The following CPSF6 variants were observed in gnomAD, a reference collection of about 807,000 sequenced individuals.
CPSF6 encodes the protein cleavage and polyadenylation specificity factor subunit 6.
CPSF6 carries 10 observed loss-of-function variants against 56.7 expected under a neutral mutation model. That is an observed-to-expected ratio of 0.18 (90% CI 0.11 to 0.30). The LOEUF (loss-of-function observed/expected upper bound fraction) is 0.30. CPSF6 is among the 10% of genes least tolerant of loss of function. CPSF6 has a pLI of 1.00. For missense variants in CPSF6, 419 were observed against 722.9 expected, an observed-to-expected ratio of 0.58 and a Z score of 4.82; for synonymous variants, 248 against 244.8, an observed-to-expected ratio of 1.01 and a Z score of -0.12.
chr12:69,257,254 C>T (rs1872550311), intron 4 of CPSF6, among the ~76,000 whole-genome samples: 1 of 152,152 alleles, frequency 6.6e-6, no homozygotes, highest in South Asian at 2.1e-4. Flanking sequence ...AGACCTTTCA[C>T]CACTTGGTAA....
chr12:69,259,913 ACATTGT>A, intron 7 of CPSF6, 125 bp from the exon 8 acceptor site: 1 of 885,112 alleles, frequency 1.1e-6, no homozygotes, highest in Non-Finnish European at 1.7e-6. Context: ...CTGAAAGAAG[ACATTGT>A]CTTGCATAGT....
chr12:69,240,261 G>T (rs908881498), intron 1 of CPSF6, among the ~76,000 whole-genome samples: 1 of 152,166 alleles, frequency 6.6e-6, no homozygotes, highest in Non-Finnish European at 1.5e-5. Context: ...TGTATCCCGC[G>T]CGCCCAGTCC....
chr12:69,258,692 C>T lies in CPSF6; in HGVS notation c.797C>T (p.Pro266Leu), dbSNP rs549054698. 1 of 1,614,056 alleles carries T rather than the reference C, an allele frequency of 6.2e-7. No individual in the cohort carries two copies. Among genetic ancestry groups the T allele is most frequent in the Non-Finnish European group, 8.5e-7 (1 of 1,179,994 alleles). ...GTTCTGCCTCCTCCTCTAGCTGGGCCTCCTAATCGAGGAGATCGCCCTCCA... is the reference window on the plus strand; with the variant it reads ...GTTCTGCCTCCTCCTCTAGCTGGGCTTCCTAATCGAGGAGATCGCCCTCCA... ...GQVLPPPLAG[P>L]PNRGDRPPPP... Residue 266 changes from proline (P) to leucine (L), a missense_variant, in exon 6 of 10, where the codon CCT becomes CTT. Pro to Leu is a moderately conservative substitution (Grantham distance 98, BLOSUM62 -3). Around this residue, in one of 4 missense-constraint regions of CPSF6, gnomAD observed 211 missense variants for 296.0 expected, o/e 0.71. Coordinates refer to ENST00000435070, the MANE Select transcript of CPSF6 (RefSeq NM_007007.3). This position sits in a 1 kb window ranked among gnomAD's most constrained non-coding sequence, Gnocchi z 4.2.
intron 2 of CPSF6, among the ~76,000 whole-genome samples, 182 bp from the exon 3 acceptor site, chr12:69,252,869 G>A (rs933361851): frequency 6.6e-6 from 1 of 152,154 alleles, no homozygotes; most frequent in African/African-American, 2.4e-5. Context: ...AATGAAGTTA[G>A]GTTCCCAGAT....
chr12:69,259,438 A>G lies in CPSF6; in HGVS notation c.1210A>G (p.Thr404Ala), dbSNP rs201159720. ...DYGPPGREMD[T>A]ARTPLSEAEF... ...GTTTTTGTTTTACAGGGAAATGGAT[A>G]CTGCAAGAACGCCATTGAGTGAAGC... is the stretch of plus-strand genomic sequence containing the variant. Residue 404 changes from threonine to alanine, a missense_variant, in exon 7 of 10, where the codon ACT (threonine) becomes GCT (alanine). Thr to Ala is a moderately conservative substitution (Grantham distance 58, BLOSUM62 0). Around this residue, in one of 4 missense-constraint regions of CPSF6, gnomAD observed 211 missense variants for 296.0 expected, o/e 0.71. Transcript: ENST00000435070. The G allele has an allele frequency of 6.2e-6, 10 of 1,612,010 alleles. No individual in the cohort carries two copies. The highest frequency in any genetic ancestry group is 8.5e-6 in the Non-Finnish European group (10 of 1,179,318).
intron 1 of CPSF6, among the ~76,000 whole-genome samples, chr12:69,240,176 G>C (rs2120384302): frequency 6.6e-6 from 1 of 152,122 alleles, no homozygotes; most frequent in Non-Finnish European, 1.5e-5. Context: ...CTCGGGCTCC[G>C]ATTCCTCCCA....
chr12:69,241,812 G>A (rs1243906851), intron 1 of CPSF6, among the ~76,000 whole-genome samples: 4 of 151,942 alleles, frequency 2.6e-5, no homozygotes, highest in Non-Finnish European at 5.9e-5. Flanking sequence ...GATTAATGGC[G>A]AGGATAAATA....
chr12:69,269,750 G>T lies in CPSF6; in HGVS notation c.*242G>T. On this transcript the variant is annotated 3_prime_UTR_variant, in exon 10 of 10. Coordinates refer to ENST00000435070, the MANE Select transcript of CPSF6 (RefSeq NM_007007.3). ...AACCTGTGTGATTTAAAAAGTTATA[G>T]CTTTTGCAACTTTATTACTGGTTAT... The T allele has an allele frequency of 5.0e-6, 1 of 199,418 alleles. No individual in the cohort carries two copies. The highest frequency in any genetic ancestry group is 1.1e-5 in the Non-Finnish European group (1 of 94,578). 12.4% of individuals were successfully genotyped at this position (199,418 alleles called of 1,614,324 possible).
rs1259939089 is a variant in CPSF6 at position 69,272,216 on chromosome 12, GT to G, written c.*2711del. ...TAAGTTGCAGTGGCTTTTGATCATA[GT>G]TTAGCCCATTTAATGGTCCTTTTAC... is the stretch of plus-strand genomic sequence containing the variant. On this transcript the variant is annotated 3_prime_UTR_variant, in exon 10 of 10. Transcript: ENST00000435070. 8 of 150,646 alleles carry G rather than the reference GT, an allele frequency of 5.3e-5. No homozygotes were observed. Among genetic ancestry groups the G allele is most frequent in the African/African-American group, 1.9e-4 (8 of 41,110 alleles). 9.3% of individuals were successfully genotyped at this position (150,646 alleles called of 1,614,324 possible).
intron 1 of CPSF6, among the ~76,000 whole-genome samples, chr12:69,243,115 C>G (rs933768329): frequency 9.9e-5 from 15 of 152,074 alleles, no homozygotes; most frequent in African/African-American, 3.6e-4. Context: ...TTGAATTGTT[C>G]AAAATACATT....
chr12:69,247,754 AT>A (rs532545087), intron 1 of CPSF6, among the ~76,000 whole-genome samples: 2 of 151,336 alleles, frequency 1.3e-5, no homozygotes, highest in African/African-American at 2.4e-5. Flanking sequence ...TATGTTCTGT[AT>A]TTTTTTTTAC....
In CPSF6 at chr12:69,257,830, T is replaced by C; in HGVS notation, c.619T>C (p.Phe207Leu). Reference sequence around the variant, plus strand: ...ACAAGGTGGTAGAGGACGGGGCCGTTTTCCAGGGGCTGTTCCTGGTGGGGA... The same window carrying C: ...ACAAGGTGGTAGAGGACGGGGCCGTCTTCCAGGGGCTGTTCCTGGTGGGGA... Reference protein sequence around the residue: ...FPQGGRGRGRFPGAVPGGDRF... With the variant: ...FPQGGRGRGRLPGAVPGGDRF... Residue 207 changes from phenylalanine to leucine, a missense_variant, in exon 5 of 10, where the codon TTT becomes CTT. Transcript: ENST00000435070. 6.2e-7 allele frequency: 1 copy of C among 1,613,182 alleles called. No individual in the cohort carries two copies. The highest frequency in any genetic ancestry group is 8.5e-7 in the Non-Finnish European group (1 of 1,179,760).
At chr12:69,255,251 TG>T (rs2120537793) in intron 3 of CPSF6, 1 of 152,338 alleles carries the variant, frequency 6.6e-6, no homozygotes, top group African/African-American at 2.4e-5. Context: ...TTCCACTACA[TG>T]GATATAGCAC....
At chr12:69,253,014 T>C (rs1033637435) in intron 2 of CPSF6, 37 bp from the exon 3 acceptor site, 6 of 1,237,274 alleles carry the variant, frequency 4.8e-6, no homozygotes, top group Non-Finnish European at 6.7e-6. Flanking sequence ...ATCTTGGTTT[T>C]ATTTTAATGG....
chr12:69,243,410 T>C (rs986956104), intron 1 of CPSF6, among the ~76,000 whole-genome samples: 2 of 152,236 alleles, frequency 1.3e-5, no homozygotes, highest in African/African-American at 4.8e-5. Context: ...GAAGTCCATC[T>C]TAGGTGCTTT....
chr12:69,241,971 G>A (rs542034368), intron 1 of CPSF6, among the ~76,000 whole-genome samples: 1 of 150,852 alleles, frequency 6.6e-6, no homozygotes, highest in Non-Finnish European at 1.5e-5. Flanking sequence ...TATTTTCAGA[G>A]CTTATCTTGT....
At chr12:69,262,677 A>T in intron 9 of CPSF6, 115 bp downstream of exon 9, 1 of 1,192,886 alleles carries the variant, frequency 8.4e-7, no homozygotes, top group Non-Finnish European at 1.1e-6. Context: ...ACTACTTGTG[A>T]ATTTAATCTT....
chr12:69,253,029 T>C (rs781555869), intron 2 of CPSF6, 22 bp from the exon 3 acceptor site: 4 of 1,359,966 alleles, frequency 2.9e-6, no homozygotes, highest in Admixed American at 2.3e-5. Context: ...TAATGGTTAA[T>C]GAGGGGGAAA....
At chr12:69,251,718 C>G (rs1393480295) in intron 2 of CPSF6, among the ~76,000 whole-genome samples, 1 of 152,002 alleles carries the variant, frequency 6.6e-6, no homozygotes, top group African/African-American at 2.4e-5. Context: ...TAGTATCACT[C>G]CTGGTTTAAA....
Sources: gnomAD v4.1 joint callset for allele counts (sites outside exome capture counted in the v4.1 genomes callset) on GRCh38, gnomAD v4.1.1 for gene constraint, gnomAD v4.1.1 regional missense constraint, Gnocchi (gnomAD v3.1) non-coding constraint, MANE v1.5 for transcripts, NCBI Gene and HGNC (gene_info 2026-07-23, HGNC 2026-07-21) for gene names.